The following ANO5 variants were observed in gnomAD, a reference collection of about 807,000 sequenced individuals.
The protein encoded by ANO5 is anoctamin-5.
ANO5 carries 109 observed loss-of-function variants against 121.0 expected under a neutral mutation model. The observed-to-expected ratio is 0.90, with a 90% CI of 0.77 to 1.06. ANO5 has a LOEUF of 1.06. Ranked by LOEUF, ANO5 falls within the 50% of genes least tolerant of loss-of-function variation. The probability of loss-of-function intolerance (pLI) is 0.00; values close to 1 mark genes in which losing one functional copy is unlikely to be tolerated. For synonymous variants in ANO5, 406 were observed against 359.9 expected, an observed-to-expected ratio of 1.13 and a Z score of -1.45; for missense variants, 1,064 against 1,078.5, an observed-to-expected ratio of 0.99 and a Z score of 0.19.
In ANO5 at chr11:22,257,723, ACTTT is replaced by A. The variant is rs1564940604; in HGVS notation, c.1382_1385del (p.Leu461GlnfsTer5). 3 of 1,612,664 alleles carry A rather than the reference ACTTT, an allele frequency of 1.9e-6. No individual in the cohort carries two copies. The highest frequency in any genetic ancestry group is 2.7e-5 in the African/African-American group (2 of 74,848). On this transcript the variant is annotated frameshift_variant, in exon 14 of 22. Transcript: ENST00000324559. LOFTEE classifies it high-confidence loss of function. ...CCTCTATACACGCGTATTCCATGGT[ACTTT>A]CTTTCAGGAGCCACAGTGACATTAT...
chr11:22,259,346 G>A (rs1171518506), intron 14 of ANO5, among the ~76,000 whole-genome samples, 173 bp from the exon 15 acceptor site: 1 of 152,028 alleles, frequency 6.6e-6, no homozygotes, highest in Non-Finnish European at 1.5e-5. Context: ...CTTTTACCTT[G>A]CCAGTGTTCA....
intron 2 of ANO5, among the ~76,000 whole-genome samples, chr11:22,204,427 C>G (rs1852051118): frequency 6.6e-6 from 1 of 152,036 alleles, no homozygotes. Context: ...CTGATAGACT[C>G]TAGTTGATAA....
At chr11:22,215,172 G>T (rs1404499655) in intron 3 of ANO5, among the ~76,000 whole-genome samples, 1 of 151,918 alleles carries the variant, frequency 6.6e-6, no homozygotes. Context: ...CTTAAATAAC[G>T]ACAGATATGC....
At chr11:22,242,734 T>A (rs2133677495) in intron 9 of ANO5, among the ~76,000 whole-genome samples, 1 of 152,204 alleles carries the variant, frequency 6.6e-6, no homozygotes, top group Non-Finnish European at 1.5e-5. Context: ...TTTTGTCCAT[T>A]GCTTTTGGGT....
chr11:22,251,172 C>T (rs1196956097), intron 12 of ANO5, among the ~76,000 whole-genome samples, 161 bp downstream of exon 12: 2 of 152,120 alleles, frequency 1.3e-5, no homozygotes, highest in African/African-American at 4.8e-5. Context: ...ATATTAGTGG[C>T]CATTAGTTCT....
intron 2 of ANO5, among the ~76,000 whole-genome samples, chr11:22,209,470 T>C (rs1378668464): frequency 6.6e-6 from 1 of 152,002 alleles, no homozygotes; most frequent in African/African-American, 2.4e-5. Flanking sequence ...GTTTATATAA[T>C]TGAAGAAAAA....
chr11:22,193,912 C>CA (rs1381588095), intron 1 of ANO5, among the ~76,000 whole-genome samples: 1 of 152,062 alleles, frequency 6.6e-6, no homozygotes, highest in Non-Finnish European at 1.5e-5. Flanking sequence ...AAGGCTTTCC[C>CA]AAAAAAAGCA....
At chr11:22,222,157 T>G (rs2133592530) in intron 5 of ANO5, among the ~76,000 whole-genome samples, 1 of 152,108 alleles carries the variant, frequency 6.6e-6, no homozygotes, top group South Asian at 2.1e-4. Context: ...TCTTGTTGAT[T>G]ATACTGTGTT....
At position 22,193,433 on chromosome 11, in the gene ANO5, T is replaced by C. The variant is rs564912946; in HGVS notation, c.-60T>C. The C allele has an allele frequency of 6.3e-7, 1 of 1,577,670 alleles. No homozygotes were observed. The highest frequency in any genetic ancestry group is 1.2e-5 in the South Asian group (1 of 86,198). ...CACCTGCCTCAGATCTCCACGTCTG[T>C]CTCAGCTGCCCCTCTCCTGCTGCCT... On this transcript the variant is annotated 5_prime_UTR_variant, in exon 1 of 22. Coordinates refer to ENST00000324559, the MANE Select transcript of ANO5 (RefSeq NM_213599.3).
At chr11:22,198,501 A>G (rs567467750) in intron 1 of ANO5, among the ~76,000 whole-genome samples, 1 of 152,330 alleles carries the variant, frequency 6.6e-6, no homozygotes, top group South Asian at 2.1e-4. Context: ...ACATTCTCAA[A>G]TAAATGCATC....
chr11:22,276,928 T>C (rs115222422), intron 21 of ANO5, among the ~76,000 whole-genome samples: 13 of 151,514 alleles, frequency 8.6e-5, no homozygotes, highest in African/African-American at 3.2e-4. Flanking sequence ...TGTTTTTTTT[T>C]ATTGTTATCA....
intron 3 of ANO5, 100 bp downstream of exon 3, chr11:22,211,414 C>T (rs1286417986): frequency 4.6e-6 from 6 of 1,314,086 alleles, no homozygotes; most frequent in Admixed American, 1.7e-5. Flanking sequence ...AGTTATTTGA[C>T]ATGCTCTCAT....
chr11:22,199,887 G>A (rs532616609), intron 1 of ANO5, among the ~76,000 whole-genome samples: 148 of 152,096 alleles, frequency 9.7e-4, no homozygotes, highest in Admixed American at 2.6e-3. Context: ...ACGAATAATA[G>A]GTTCTTTAAA....
intron 19 of ANO5, among the ~76,000 whole-genome samples, chr11:22,273,533 G>C (rs1274519507): frequency 2.0e-5 from 3 of 152,074 alleles, no homozygotes; most frequent in Non-Finnish European, 4.4e-5. Context: ...ATGAAAGCCT[G>C]TAGGAATGAG....
At chr11:22,235,742 T>A (rs528957268) in intron 7 of ANO5, among the ~76,000 whole-genome samples, 76 of 152,102 alleles carry the variant, frequency 5.0e-4, no homozygotes, top group Non-Finnish European at 8.5e-4. Context: ...GTAAAATCCC[T>A]TGTAAAAATA....
chr11:22,243,088 C>G (rs1853485384), intron 9 of ANO5, among the ~76,000 whole-genome samples: 1 of 151,770 alleles, frequency 6.6e-6, no homozygotes, highest in African/African-American at 2.4e-5. Flanking sequence ...AATACCAAGA[C>G]TATTGAGGGT....
At chr11:22,216,683 G>T (rs1193473582) in intron 3 of ANO5, among the ~76,000 whole-genome samples, 1 of 151,810 alleles carries the variant, frequency 6.6e-6, no homozygotes, top group Non-Finnish European at 1.5e-5. Context: ...AGCACATTTA[G>T]AAGTATATAA....
chr11:22,255,239 T>C (rs991993963), intron 12 of ANO5, 132 bp from the exon 13 acceptor site: 5 of 646,882 alleles, frequency 7.7e-6, no homozygotes, highest in Non-Finnish European at 1.2e-5. Context: ...GAAGTTTTAA[T>C]CAAACACAAC....
chr11:22,203,090 G>A (rs1280853145), intron 1 of ANO5, among the ~76,000 whole-genome samples: 1 of 151,902 alleles, frequency 6.6e-6, no homozygotes, highest in African/African-American at 2.4e-5. Context: ...TTTTTCTATC[G>A]TATTTCTAAA....
Sources: allele counts gnomAD v4.1 joint callset (sites outside exome capture counted in the v4.1 genomes callset), GRCh38; gene constraint gnomAD v4.1.1; transcripts MANE v1.5; gene names NCBI Gene and HGNC (gene_info 2026-07-23, HGNC 2026-07-21).